The following CUX2 variants were observed in gnomAD, a reference collection of about 807,000 sequenced individuals.
The protein encoded by CUX2 is cut like homeobox 2.
In CUX2, 40 loss-of-function variants were observed where a neutral mutation model predicts 144.8. The ratio of observed to expected loss-of-function variants is 0.28; its 90% CI spans 0.21 to 0.36. CUX2 has a LOEUF of 0.36. Among genes scored for constraint, CUX2 ranks in the 10% least tolerant of loss-of-function variants. The pLI, the probability that CUX2 is intolerant of heterozygous loss-of-function variation, is 1.00. For synonymous variants in CUX2, 827 were observed against 875.6 expected, an observed-to-expected ratio of 0.94 and a Z score of 0.98; for missense variants, 1,615 against 1,994.0, an observed-to-expected ratio of 0.81 and a Z score of 3.62.
At chr12:111,319,356 A>T (rs1026840832) in intron 16 of CUX2, among the ~76,000 whole-genome samples, 52 of 152,164 alleles carry the variant, frequency 3.4e-4, no homozygotes, top group East Asian at 2.3e-3. Flanking sequence ...TTTTTTTTTT[A>T]AAACAGAACA....
chr12:111,320,582 C>T lies in CUX2; in HGVS notation c.2573C>T (p.Thr858Met), dbSNP rs1887476124. 2.6e-6 allele frequency: 4 copies of T among 1,528,770 alleles called. No homozygotes were observed. The highest frequency in any genetic ancestry group is 1.2e-5 in the South Asian group (1 of 83,262). 94.7% of individuals were successfully genotyped at this position (1,528,770 alleles called of 1,614,324 possible). The change falls in exon 17 of 22, where the codon ACG (threonine) becomes ATG (methionine). Residue 858 changes from threonine to methionine, a missense_variant. By Grantham distance (81) the Thr-to-Met change is moderately conservative (BLOSUM62 -1). Transcript: ENST00000261726. The surrounding 1 kb of genome is among the most constrained non-coding windows in gnomAD (Gnocchi z 8.1). ...GGCGAGCTCAAGGCTGAGGGCGCGA[C>T]GGCCGAGGCGGGCGCGCGGCTGCCC... ...RTGELKAEGA[T>M]AEAGARLPYY...
chr12:111,089,752 G>C (rs1872451884), intron 1 of CUX2, among the ~76,000 whole-genome samples: 1 of 152,246 alleles, frequency 6.6e-6, no homozygotes, highest in Non-Finnish European at 1.5e-5. Flanking sequence ...TCAGAGGTCA[G>C]AGAGTGCAGG....
intron 1 of CUX2, among the ~76,000 whole-genome samples, chr12:111,073,188 A>T (rs2136032458): frequency 6.6e-6 from 1 of 150,576 alleles, no homozygotes; most frequent in South Asian, 2.1e-4. Flanking sequence ...GTCACTACCA[A>T]CCACCCACCC....
chr12:111,150,242 T>C (rs2136135052), intron 1 of CUX2, among the ~76,000 whole-genome samples: 1 of 152,252 alleles, frequency 6.6e-6, no homozygotes, highest in Non-Finnish European at 1.5e-5. Flanking sequence ...TCTCCATCAT[T>C]TGAATGTTTT....
intron 1 of CUX2, among the ~76,000 whole-genome samples, chr12:111,043,227 A>C (rs530784497): frequency 3.9e-5 from 6 of 152,298 alleles, no homozygotes; most frequent in African/African-American, 1.4e-4. Flanking sequence ...GGGCAAGGGG[A>C]GTAGATTCCG....
intron 1 of CUX2, among the ~76,000 whole-genome samples, chr12:111,073,084 A>G (rs1397412283): frequency 6.6e-6 from 1 of 152,226 alleles, no homozygotes; most frequent in Non-Finnish European, 1.5e-5. Flanking sequence ...GTTCAGCTCA[A>G]CTGTCACAAA....
At chr12:111,333,150 A>G (rs1475580194) in intron 18 of CUX2, among the ~76,000 whole-genome samples, 1 of 152,170 alleles carries the variant, frequency 6.6e-6, no homozygotes, top group African/African-American at 2.4e-5. Context: ...TGGAGGTTGC[A>G]GTGAGCCAAG....
At chr12:111,291,117 A>G (rs936611662) in intron 4 of CUX2, among the ~76,000 whole-genome samples, 7 of 151,816 alleles carry the variant, frequency 4.6e-5, no homozygotes, top group Non-Finnish European at 8.8e-5. Context: ...CGCCTACCTT[A>G]GCCTCCCAAA....
At chr12:111,174,139 G>A (rs955795485) in intron 1 of CUX2, among the ~76,000 whole-genome samples, 10 of 152,196 alleles carry the variant, frequency 6.6e-5, no homozygotes, top group African/African-American at 2.4e-4. Flanking sequence ...GGGAGTCCGG[G>A]GAGGTTTTAA....
chr12:111,282,185 G>A (rs924321837), intron 4 of CUX2, among the ~76,000 whole-genome samples: 1 of 152,016 alleles, frequency 6.6e-6, no homozygotes, highest in Non-Finnish European at 1.5e-5. Flanking sequence ...AGCTGGGCGA[G>A]GTGGTGGGCG....
At chr12:111,062,373 A>G (rs1347735377) in intron 1 of CUX2, among the ~76,000 whole-genome samples, 1 of 152,214 alleles carries the variant, frequency 6.6e-6, no homozygotes, top group African/African-American at 2.4e-5. Context: ...TGTACTATGA[A>G]CATTGCATTT....
chr12:111,234,110 C>G (rs747547234), intron 3 of CUX2, among the ~76,000 whole-genome samples: 45 of 152,142 alleles, frequency 3.0e-4, no homozygotes, highest in Non-Finnish European at 4.6e-4. Flanking sequence ...ACATTATATG[C>G]CCAAGAGTGG....
intron 1 of CUX2, among the ~76,000 whole-genome samples, chr12:111,152,108 A>C (rs916641999): frequency 1.8e-4 from 27 of 152,092 alleles, no homozygotes; most frequent in African/African-American, 5.8e-4. Flanking sequence ...AACATGGGGA[A>C]ACCCCATCTT....
intron 3 of CUX2, among the ~76,000 whole-genome samples, chr12:111,253,104 G>A (rs901002087): frequency 1.8e-4 from 27 of 151,942 alleles, no homozygotes; most frequent in Admixed American, 2.0e-4. Flanking sequence ...CCTGGAACTC[G>A]GCAGGAGCCA....
rs1881410452 is a variant in CUX2 at position 111,214,322 on chromosome 12, T to G, written c.174+12T>G. 6.7e-7 allele frequency: 1 copy of G among 1,483,628 alleles called. No individual in the cohort carries two copies. The highest frequency in any genetic ancestry group is 1.4e-5 in the African/African-American group (1 of 71,400). 91.9% of individuals were successfully genotyped at this position (1,483,628 alleles called of 1,614,324 possible). A position where few individuals can be genotyped will look rare whatever the true frequency, so the allele number is the denominator to read the frequency against. ...AAAATGTACCTGAGGTATGGTATAT[T>G]TGCCGTTATAGAATTAACTCAGTAG... On this transcript the variant is annotated intron_variant, in intron 2 of 21. Transcript: ENST00000261726.
intron 18 of CUX2, among the ~76,000 whole-genome samples, chr12:111,331,456 T>C (rs1019332985): frequency 1.3e-5 from 2 of 152,146 alleles, no homozygotes; most frequent in Non-Finnish European, 2.9e-5. Flanking sequence ...CACACCATGC[T>C]TGCCAACCCA....
chr12:111,062,102 C>T (rs1252254347), intron 1 of CUX2, among the ~76,000 whole-genome samples: 1 of 152,194 alleles, frequency 6.6e-6, no homozygotes, highest in African/African-American at 2.4e-5. Flanking sequence ...CTGCTATAGC[C>T]GCCGGCGGGT....
At position 111,320,793 on chromosome 12, in the gene CUX2, C is replaced by T. The variant is rs1333404370; in HGVS notation, c.2766+18C>T. 1 of 1,488,952 alleles carries T rather than the reference C, an allele frequency of 6.7e-7. No individual in the cohort carries two copies. The highest frequency in any genetic ancestry group is 8.9e-7 in the Non-Finnish European group (1 of 1,122,754). 92.2% of individuals were successfully genotyped at this position (1,488,952 alleles called of 1,614,324 possible). A position where few individuals can be genotyped will look rare whatever the true frequency, so the allele number is the denominator to read the frequency against. On this transcript the variant is annotated intron_variant, in intron 17 of 21. Coordinates refer to ENST00000261726, the MANE Select transcript of CUX2 (RefSeq NM_015267.4). This position sits in a 1 kb window ranked among gnomAD's most constrained non-coding sequence, Gnocchi z 8.1. Reference sequence around the variant, plus strand: ...GGGAGAAGGTGAGTGCAGGGCGGGCCCCCGGTGTCTGGGCTCTGGGAGAAG... The same window carrying T: ...GGGAGAAGGTGAGTGCAGGGCGGGCTCCCGGTGTCTGGGCTCTGGGAGAAG...
At chr12:111,210,898 G>A (rs1215662009) in intron 1 of CUX2, among the ~76,000 whole-genome samples, 2 of 152,062 alleles carry the variant, frequency 1.3e-5, no homozygotes, top group Non-Finnish European at 2.9e-5. Context: ...TGGAGACGCA[G>A]AGCAGAAGCC....
Sources: allele counts gnomAD v4.1 joint callset (sites outside exome capture counted in the v4.1 genomes callset), GRCh38; gene constraint gnomAD v4.1.1; non-coding constraint Gnocchi (gnomAD v3.1); transcripts MANE v1.5; gene names NCBI Gene and HGNC (gene_info 2026-07-23, HGNC 2026-07-21).